The following GRIN1 variants were observed in gnomAD, a reference collection of about 807,000 sequenced individuals.
GRIN1 encodes the protein glutamate receptor ionotropic, NMDA 1.
In GRIN1, 38 loss-of-function variants were observed where a neutral mutation model predicts 103.0. The observed-to-expected ratio is 0.37, with a 90% CI of 0.28 to 0.48. The LOEUF (loss-of-function observed/expected upper bound fraction) is 0.48, where lower values mean the gene tolerates loss of function less well. Among genes scored for constraint, GRIN1 ranks in the 20% least tolerant of loss-of-function variants. The pLI is 0.98. For synonymous variants in GRIN1, 544 were observed against 532.7 expected (o/e 1.02, Z -0.29); for missense variants, 577 against 1,288.9 (o/e 0.45, Z 8.46).
chr9:137,143,288 G>A (rs1410377815), intron 2 of GRIN1, among the ~76,000 whole-genome samples: 1 of 152,250 alleles, frequency 6.6e-6, no homozygotes, highest in African/African-American at 2.4e-5. Flanking sequence ...AGGCCCCAGA[G>A]GCAGGAACTG....
chr9:137,144,173 C>G (rs1479308525), intron 2 of GRIN1, among the ~76,000 whole-genome samples: 4 of 152,176 alleles, frequency 2.6e-5, no homozygotes, highest in Non-Finnish European at 4.4e-5. Flanking sequence ...GAGCTCACCC[C>G]AGGCACAATT....
Position 137,155,904 on chromosome 9 carries a change from T to TA in GRIN1, c.672-764dup, listed in dbSNP as rs549823476. ...GGGTGGCTGGGCGAAGGCAGCTGCT[T>TA]ATGCAGACTCCAGGGGGAAAGCCGC... On this transcript the variant is annotated intron_variant, in intron 4 of 19. Transcript: ENST00000371561. Among the ~76,000 whole-genome samples the TA allele has an allele frequency of 2.0e-3, 300 of 152,300 alleles. 1 individual carries two copies. Among genetic ancestry groups the TA allele is most frequent in the African/African-American group, 7.0e-3 (291 of 41,558 alleles).
chr9:137,158,345 C>G, intron 6 of GRIN1, 34 bp from the exon 7 acceptor site: 1 of 1,610,698 alleles, frequency 6.2e-7, no homozygotes. Context: ...GAAGGAGCAT[C>G]TCTGAGAAGC....
chr9:137,162,183 G>A lies in GRIN1; in HGVS notation c.1644G>A (p.Arg548=). Residue 548 remains arginine (R), a synonymous_variant, in exon 12 of 20, where the codon CGG becomes CGA. Transcript: ENST00000371561. ...LTILVKKEIP[R]STLDSFMQPF... ...GCGTCCCTCCGCAGGAGATTCCCCG[G>A]AGCACGCTGGACTCGTTCATGCAGC... The A allele has an allele frequency of 3.9e-6, 6 of 1,544,490 alleles. No individual in the cohort carries two copies. The highest frequency in any genetic ancestry group is 1.2e-5 in the South Asian group (1 of 84,190).
At chr9:137,149,239 C>G (rs1832707809) in intron 4 of GRIN1, 130 bp downstream of exon 4, 10 of 716,590 alleles carry the variant, frequency 1.4e-5, no homozygotes, top group East Asian at 2.7e-5. Context: ...TCACCAAGGA[C>G]AGCCACCCCC....
At chr9:137,152,569 G>A (rs1832968566) in intron 4 of GRIN1, among the ~76,000 whole-genome samples, 1 of 152,140 alleles carries the variant, frequency 6.6e-6, no homozygotes, top group African/African-American at 2.4e-5. Context: ...AGAGGGGAGG[G>A]GGCGTTTTCT....
Position 137,168,732 on chromosome 9 carries a change from G to C in GRIN1, c.*1205G>C, listed in dbSNP as rs1021192626. 1.4e-6 allele frequency: 1 copy of C among 717,764 alleles called. No individual in the cohort carries two copies. Among genetic ancestry groups the C allele is most frequent in the Non-Finnish European group, 1.9e-6 (1 of 529,126 alleles). The allele number at this position is 717,764 out of a possible 1,614,324, so 44.5% of individuals were successfully genotyped here. On this transcript the variant is annotated 3_prime_UTR_variant, in exon 20 of 20. Transcript: ENST00000371561. The stretch of plus-strand genomic sequence containing the variant: ...CCCCCACCTCCCGGTGTATGCAGTG[G>C]TGATGCCTAAAGGAATGTCACGCAG...
At chr9:137,167,360 C>T (rs1488569814) in intron 19 of GRIN1, 51 bp from the exon 20 acceptor site, 2 of 1,407,914 alleles carry the variant, frequency 1.4e-6, no homozygotes, top group Non-Finnish European at 2.0e-6. Context: ...GGCTGGGGTC[C>T]CTGGCGGCCG....
rs376231286 is a variant in GRIN1 at position 137,168,264 on chromosome 9, C to T, written c.*737C>T. On this transcript the variant is annotated 3_prime_UTR_variant, in exon 20 of 20. Transcript: ENST00000371561. The stretch of plus-strand genomic sequence containing the variant: ...CTCGGGCGCCTGCGCTCCTCTGCAG[C>T]CTGAGCTCCACCCTCCCCTCTTCTT... 7.7e-6 allele frequency: 2 copies of T among 260,712 alleles called. No individual in the cohort carries two copies. Among genetic ancestry groups the T allele is most frequent in the South Asian group, 9.0e-5 (2 of 22,302 alleles). The allele number at this position is 260,712 out of a possible 1,614,324, so 16.1% of individuals were successfully genotyped here. A position where few individuals can be genotyped will look rare whatever the true frequency, so the allele number is the denominator to read the frequency against.
intron 7 of GRIN1, 42 bp downstream of exon 7, chr9:137,158,565 G>T: frequency 1.9e-6 from 3 of 1,608,044 alleles, no homozygotes; most frequent in Non-Finnish European, 2.6e-6. Context: ...GGGCCTTAGG[G>T]TCCTGGGGCC....
intron 1 of GRIN1, 124 bp from the exon 2 acceptor site, chr9:137,141,889 C>A: frequency 9.7e-7 from 1 of 1,030,426 alleles, no homozygotes. Flanking sequence ...AGCATGTACC[C>A]GAATCATGCC....
In GRIN1 at chr9:137,139,546, C is replaced by T. The variant is rs776753294; in HGVS notation, c.60C>T (p.Ala20=). Residue 20 remains alanine, a synonymous_variant, in exon 1 of 20, where the codon GCC becomes GCT. Transcript: ENST00000371561. This position sits in a 1 kb window ranked among gnomAD's most constrained non-coding sequence, Gnocchi z 7.7. ...TGTTCTCCTGCTCCGTCGCCCGTGC[C>T]GCGTGCGACCCCAAGATCGTCAACA... ...ALLFSCSVAR[A]ACDPKIVNIG... 4 of 1,611,628 alleles carry T rather than the reference C, an allele frequency of 2.5e-6. No homozygotes were observed. The highest frequency in any genetic ancestry group is 2.2e-5 in the South Asian group (2 of 91,052).
chr9:137,162,637 C>G lies in GRIN1; in HGVS notation c.1911C>G (p.Ala637=). The change falls in exon 14 of 20, where the codon GCC becomes GCG. Residue 637 remains alanine (A), a synonymous_variant. Transcript: ENST00000371561. ...FSARILGMVW[A]GFAMIIVASY... ...CGCGCATCCTGGGCATGGTGTGGGCCGGCTTTGCCATGATCATCGTGGCCT... is the reference window on the plus strand; with the variant it reads ...CGCGCATCCTGGGCATGGTGTGGGCGGGCTTTGCCATGATCATCGTGGCCT... 6.2e-7 allele frequency: 1 copy of G among 1,612,712 alleles called. No individual in the cohort carries two copies. The highest frequency in any genetic ancestry group is 2.2e-5 in the East Asian group (1 of 44,878).
In GRIN1 at chr9:137,156,744, C is replaced by G. The variant is rs199802957; in HGVS notation, c.747C>G (p.Val249=). Reference sequence around the variant, plus strand: ...CGGGCTCCGGGTACGTGTGGCTGGTCGGCGAGCGCGAGATCTCGGGGAACG... The same window carrying G: ...CGGGCTCCGGGTACGTGTGGCTGGTGGGCGAGCGCGAGATCTCGGGGAACG... The part of the protein sequence containing the change: ...NMTGSGYVWL[V]GEREISGNAL... Residue 249 remains valine, a synonymous_variant, in exon 5 of 20, where the codon GTC becomes GTG. Transcript: ENST00000371561. The G allele has an allele frequency of 1.3e-6, 2 of 1,585,958 alleles. No individual in the cohort carries two copies. The highest frequency in any genetic ancestry group is 2.3e-5 in the East Asian group (1 of 43,096).
rs144610603 is a variant in GRIN1 at position 137,155,203 on chromosome 9, T to C, written c.672-1466T>C. ...AATCATTCCACCACATCACATGTCA[T>C]GGACCTGAATTGCGTCAAGAAGACG... On this transcript the variant is annotated intron_variant, in intron 4 of 19. Coordinates refer to ENST00000371561, the MANE Select transcript of GRIN1 (RefSeq NM_007327.4). Among the ~76,000 whole-genome samples, 219 of 152,364 alleles carry C rather than the reference T, an allele frequency of 1.4e-3. 1 individual carries two copies. Among genetic ancestry groups the C allele is most frequent in the African/African-American group, 5.0e-3 (206 of 41,600 alleles).
intron 4 of GRIN1, among the ~76,000 whole-genome samples, chr9:137,155,186 C>T (rs558403283): frequency 3.9e-5 from 6 of 152,310 alleles, no homozygotes; most frequent in African/African-American, 1.4e-4. Flanking sequence ...CTAATCATTC[C>T]ACCACATCAC....
chr9:137,156,430 C>T (rs529266777), intron 4 of GRIN1, among the ~76,000 whole-genome samples: 1 of 151,916 alleles, frequency 6.6e-6, no homozygotes, highest in East Asian at 1.9e-4. Flanking sequence ...CCTGCTCCCC[C>T]AAGGTAAGGG....
At position 137,149,026 on chromosome 9, in the gene GRIN1, G is replaced by C; in HGVS notation, c.588G>C (p.Gln196His). 6.2e-7 allele frequency: 1 copy of C among 1,613,140 alleles called. No homozygotes were observed. The highest frequency in any genetic ancestry group is 8.5e-7 in the Non-Finnish European group (1 of 1,179,362). The change falls in exon 4 of 20, where the codon CAG (glutamine) becomes CAC (histidine). Residue 196 changes from glutamine to histidine, a missense_variant. Coordinates refer to ENST00000371561, the MANE Select transcript of GRIN1 (RefSeq NM_007327.4). ...ERESKAEKVL[Q>H]FDPGTKNVTA... ...CACCGCAGGCAGAGAAGGTGCTGCA[G>C]TTTGACCCAGGGACCAAGAACGTGA...
In GRIN1 at chr9:137,161,433, G is replaced by A. The variant is rs771374825; in HGVS notation, c.1467+17G>A. 6 of 1,607,418 alleles carry A rather than the reference G, an allele frequency of 3.7e-6. No individual in the cohort carries two copies. The highest frequency in any genetic ancestry group is 1.3e-5 in the African/African-American group (1 of 74,784). ...CAGGAGCGGGTAGGCTGGACGGCGGGGGTGGGGACCAGCGTGAGAGGGGCC... is the reference window on the plus strand; with the variant it reads ...CAGGAGCGGGTAGGCTGGACGGCGGAGGTGGGGACCAGCGTGAGAGGGGCC... On this transcript the variant is annotated intron_variant, in intron 10 of 19. Transcript: ENST00000371561.
Sources: gnomAD v4.1 joint callset for allele counts (sites outside exome capture counted in the v4.1 genomes callset) on GRCh38, gnomAD v4.1.1 for gene constraint, Gnocchi (gnomAD v3.1) non-coding constraint, MANE v1.5 for transcripts, NCBI Gene and HGNC (gene_info 2026-07-23, HGNC 2026-07-21) for gene names.